HIVEP1: variants seen among roughly 807,000 people sequenced by gnomAD.
The protein encoded by HIVEP1 is HIVEP zinc finger 1.
A neutral mutation model predicts 180.0 loss-of-function variants in HIVEP1; 36 were observed. The ratio of observed to expected loss-of-function variants is 0.20; its 90% CI spans 0.15 to 0.26. HIVEP1 has a LOEUF of 0.26. Among genes scored for constraint, HIVEP1 ranks in the 10% least tolerant of loss-of-function variants. The pLI, the probability that HIVEP1 is intolerant of heterozygous loss-of-function variation, is 1.00. For synonymous variants in HIVEP1, 1,239 were observed against 1,239.0 expected (o/e 1.00, Z 0.00); for missense variants, 3,143 against 3,268.7 (o/e 0.96, Z 0.94).
At chr6:12,168,739 T>C (rs1760826996), downstream of HIVEP1, among the ~76,000 whole-genome samples, 1 of 152,102 alleles carries the variant, frequency 6.6e-6, no homozygotes, top group Non-Finnish European at 1.5e-5. Flanking sequence ...CTGTATTCAA[T>C]ACATTATACG....
chr6:12,058,409 G>A (rs1771009614), intron 2 of HIVEP1, among the ~76,000 whole-genome samples: 1 of 152,144 alleles, frequency 6.6e-6, no homozygotes, highest in Non-Finnish European at 1.5e-5. Flanking sequence ...TCCCAAGTTG[G>A]CTGGCTCTTT....
intron 7 of HIVEP1, among the ~76,000 whole-genome samples, chr6:12,160,622 C>CA (rs1162423378): frequency 3.9e-5 from 6 of 152,028 alleles, no homozygotes; most frequent in Non-Finnish European, 7.4e-5. Context: ...AAAACAAAAA[C>CA]AAAAAAACAG....
At chr6:12,095,271 T>A (rs1286995748) in intron 3 of HIVEP1, among the ~76,000 whole-genome samples, 1 of 151,984 alleles carries the variant, frequency 6.6e-6, no homozygotes, top group African/African-American at 2.4e-5. Flanking sequence ...TTTATTATCT[T>A]TTCCTGTCTT....
At chr6:12,093,736 T>G (rs1773626570) in intron 3 of HIVEP1, among the ~76,000 whole-genome samples, 1 of 152,032 alleles carries the variant, frequency 6.6e-6, no homozygotes, top group African/African-American at 2.4e-5. Flanking sequence ...TCTGTGAATT[T>G]GTTTACCCAT....
At chr6:12,055,699 T>C (rs1370279508) in intron 2 of HIVEP1, among the ~76,000 whole-genome samples, 2 of 152,206 alleles carry the variant, frequency 1.3e-5, no homozygotes, top group Non-Finnish European at 2.9e-5. Context: ...GCTAGCAAAT[T>C]TCAGGATACA....
the HIVEP1 span, among the ~76,000 whole-genome samples, chr6:12,176,605 C>G: frequency 6.6e-6 from 1 of 152,136 alleles, no homozygotes; most frequent in Admixed American, 6.5e-5. Flanking sequence ...CCTCCAGTTT[C>G]CCCATTTAGT....
At chr6:12,202,860 C>T in the HIVEP1 span, among the ~76,000 whole-genome samples, 1 of 152,274 alleles carries the variant, frequency 6.6e-6, no homozygotes, top group African/African-American at 2.4e-5. Flanking sequence ...TAGAAAGCTA[C>T]CTAGAAATCA....
Position 12,156,578 on chromosome 6 carries a change from C to T in HIVEP1, c.6488-4861C>T, listed in dbSNP as rs921942429. 7.2e-5 allele frequency among the ~76,000 whole-genome samples: 11 copies of T among 151,980 alleles called. No individual in the cohort carries two copies. In the South Asian group the frequency reaches 1.9e-3, roughly 26 times the overall value. The stretch of plus-strand genomic sequence containing the variant: ...TATTTCTGAGTTCTCTATTTTGTTC[C>T]GTTGATCTATGTGTCTGTTCTTGTA... On this transcript the variant is annotated intron_variant, in intron 7 of 8. Coordinates refer to ENST00000379388, the MANE Select transcript of HIVEP1 (RefSeq NM_002114.4).
chr6:12,065,892 T>C (rs1258710527), intron 2 of HIVEP1, among the ~76,000 whole-genome samples: 1 of 152,180 alleles, frequency 6.6e-6, no homozygotes, highest in Non-Finnish European at 1.5e-5. Flanking sequence ...GATGTAGATG[T>C]GAAGTCCTCA....
At chr6:12,170,812 GT>G in the HIVEP1 span, among the ~76,000 whole-genome samples, 2 of 152,162 alleles carry the variant, frequency 1.3e-5, no homozygotes, top group Non-Finnish European at 1.5e-5. Flanking sequence ...CTTTTCTAAT[GT>G]GTTAATAACT....
intron 2 of HIVEP1, among the ~76,000 whole-genome samples, chr6:12,042,444 G>A (rs1467937199): frequency 1.4e-5 from 2 of 140,348 alleles, no homozygotes; most frequent in South Asian, 2.6e-4. Context: ...GCAGTGGCCC[G>A]ATCACAGCTC....
chr6:12,057,911 G>A (rs1003761816), intron 2 of HIVEP1, among the ~76,000 whole-genome samples: 1 of 152,054 alleles, frequency 6.6e-6, no homozygotes, highest in Admixed American at 6.5e-5. Context: ...AGTAGCACTC[G>A]GCATGTAGTT....
chr6:12,206,830 TGCA>T, the HIVEP1 span, among the ~76,000 whole-genome samples: 9 of 152,154 alleles, frequency 5.9e-5, no homozygotes, highest in Admixed American at 5.9e-4. Context: ...CTGGGTTTTG[TGCA>T]GTTTCTATGT....
chr6:12,065,264 A>G (rs529724788), intron 2 of HIVEP1, among the ~76,000 whole-genome samples: 2 of 152,318 alleles, frequency 1.3e-5, no homozygotes, highest in Admixed American at 6.5e-5. Flanking sequence ...GAGAATAACT[A>G]TGATAGATTC....
At chr6:12,174,944 G>A in the HIVEP1 span, among the ~76,000 whole-genome samples, 4 of 152,264 alleles carry the variant, frequency 2.6e-5, no homozygotes, top group East Asian at 5.8e-4. Context: ...CATTACTTCG[G>A]TCCAGAGTTA....
At chr6:12,099,402 G>C (rs1016791172) in intron 3 of HIVEP1, among the ~76,000 whole-genome samples, 1 of 151,958 alleles carries the variant, frequency 6.6e-6, no homozygotes, top group East Asian at 1.9e-4. Context: ...TCCTGACCTC[G>C]TGATCCGCCC....
chr6:12,105,489 T>A (rs1033026163), intron 3 of HIVEP1, among the ~76,000 whole-genome samples: 2 of 152,226 alleles, frequency 1.3e-5, no homozygotes, highest in Non-Finnish European at 2.9e-5. Flanking sequence ...TATCTTTTTA[T>A]TGCTTAATTG....
chr6:12,186,547 T>TAAAA, the HIVEP1 span, among the ~76,000 whole-genome samples: 10 of 140,734 alleles, frequency 7.1e-5, no homozygotes, highest in South Asian at 2.2e-4. Context: ...ATCAAATTGT[T>TAAAA]AAAAAAAAAA....
intron 8 of HIVEP1, among the ~76,000 whole-genome samples, chr6:12,162,920 G>A (rs756535428): frequency 3.9e-5 from 6 of 152,174 alleles, no homozygotes; most frequent in Non-Finnish European, 7.3e-5. Flanking sequence ...GGAGCTGGTA[G>A]TGCCAGAAAC....
Sources: allele counts gnomAD v4.1 joint callset (sites outside exome capture counted in the v4.1 genomes callset), GRCh38; gene constraint gnomAD v4.1.1; transcripts MANE v1.5; gene names NCBI Gene and HGNC (gene_info 2026-07-23, HGNC 2026-07-21).